Variants in GPATCH2 observed in about 807,000 individuals in gnomAD.
GPATCH2 encodes G-patch domain containing 2.
GPATCH2 carries 51 observed loss-of-function variants against 58.0 expected under a neutral mutation model. The observed-to-expected ratio is 0.88, with a 90% CI of 0.70 to 1.11. The LOEUF (loss-of-function observed/expected upper bound fraction) is 1.11. GPATCH2 is among the 50% of genes most tolerant of loss of function. The pLI, the probability that GPATCH2 is intolerant of heterozygous loss-of-function variation, is 0.00. For synonymous variants in GPATCH2, 222 were observed against 218.5 expected, an observed-to-expected ratio of 1.02 and a Z score of -0.14; for missense variants, 625 against 652.2, an observed-to-expected ratio of 0.96 and a Z score of 0.45.
chr1:217,458,675 A>C (rs1241517120), intron 8 of GPATCH2, among the ~76,000 whole-genome samples: 1 of 151,950 alleles, frequency 6.6e-6, no homozygotes, highest in Non-Finnish European at 1.5e-5. Context: ...ACTTTAAGAA[A>C]TTTTCTGTGT....
chr1:217,467,422 G>T (rs1379102163), intron 8 of GPATCH2, among the ~76,000 whole-genome samples: 1 of 152,036 alleles, frequency 6.6e-6, no homozygotes, highest in East Asian at 1.9e-4. Flanking sequence ...GAAAATGATT[G>T]CATATTCCTA....
intron 5 of GPATCH2, among the ~76,000 whole-genome samples, chr1:217,518,744 C>T (rs917761198): frequency 1.1e-4 from 17 of 152,196 alleles, no homozygotes; most frequent in Admixed American, 7.9e-4. Flanking sequence ...ATCATCCTTT[C>T]TTCTCTCCCT....
chr1:217,557,822 T>G (rs1053582035), intron 5 of GPATCH2, among the ~76,000 whole-genome samples: 1 of 152,208 alleles, frequency 6.6e-6, no homozygotes. Flanking sequence ...CATTAATGTA[T>G]CTTTCATAAG....
At chr1:217,490,392 C>G (rs983808869) in intron 8 of GPATCH2, among the ~76,000 whole-genome samples, 1 of 152,088 alleles carries the variant, frequency 6.6e-6, no homozygotes, top group African/African-American at 2.4e-5. Context: ...GTATCTGTAT[C>G]TATGGATTTA....
At position 217,449,324 on chromosome 1, in the gene GPATCH2, G is replaced by A. The variant is rs1315727753; in HGVS notation, c.1291C>T (p.His431Tyr). 2 of 1,597,822 alleles carry A rather than the reference G, an allele frequency of 1.3e-6. No homozygotes were observed. The highest frequency in any genetic ancestry group is 1.7e-5 in the Admixed American group (1 of 59,984). ...VRTASRQTSM[H>Y]LGSLCTGDIK... ...TCTCCCGTGCATAAGGATCCTAAATGCATGCTTGTTTGCCTACGAATAATT... is the reference window on the plus strand; with the variant it reads ...TCTCCCGTGCATAAGGATCCTAAATACATGCTTGTTTGCCTACGAATAATT... The change falls in exon 9 of 10, where the codon CAT becomes TAT. Residue 431 changes from histidine (H) to tyrosine (Y), a missense_variant. By Grantham distance (83) the His-to-Tyr change is moderately conservative. Transcript: ENST00000366935.
rs577647388 is a variant in GPATCH2 at position 217,596,542 on chromosome 1, G to A, written c.1098+13779C>T. Among the ~76,000 whole-genome samples the A allele has an allele frequency of 7.2e-5, 11 of 151,974 alleles. No individual in the cohort carries two copies. In the South Asian group the frequency reaches 2.3e-3, roughly 32 times the overall value. ...ACATAAAAAGATTAGAATAACACCT[G>A]GCAATTAATAAGAACTCAATAAATG... On this transcript the variant is annotated intron_variant, in intron 5 of 9. Transcript: ENST00000366935.
At chr1:217,475,005 A>T (rs1660907296) in intron 8 of GPATCH2, among the ~76,000 whole-genome samples, 1 of 152,232 alleles carries the variant, frequency 6.6e-6, no homozygotes, top group South Asian at 2.1e-4. Context: ...AGAATTAAAC[A>T]TGAGTAGTCT....
intron 8 of GPATCH2, among the ~76,000 whole-genome samples, chr1:217,466,859 C>T (rs922171090): frequency 1.3e-5 from 2 of 152,036 alleles, no homozygotes; most frequent in Non-Finnish European, 1.5e-5. Flanking sequence ...CTCTTAAAAA[C>T]AGGGAAACAA....
At position 217,514,851 on chromosome 1, in the gene GPATCH2, A is replaced by T; in HGVS notation, c.1137T>A (p.Val379=). ...GGTGATGAGAATCCGGGGAAAAATGAACCATTCTCTTGTTACCCACTGGGC... is the reference window on the plus strand; with the variant it reads ...GGTGATGAGAATCCGGGGAAAAATGTACCATTCTCTTGTTACCCACTGGGC... ...IPGPVGNKRM[V]HFSPDSHHHD... is the part of the protein sequence containing the mutation. Residue 379 remains valine, a synonymous_variant, in exon 6 of 10, where the codon GTT becomes GTA. Coordinates refer to ENST00000366935, the MANE Select transcript of GPATCH2 (RefSeq NM_018040.5). The T allele has an allele frequency of 6.5e-7, 1 of 1,540,604 alleles. No individual in the cohort carries two copies. Among genetic ancestry groups the T allele is most frequent in the Non-Finnish European group, 9.0e-7 (1 of 1,113,070 alleles).
At chr1:217,490,094 T>C (rs1455443102) in intron 8 of GPATCH2, among the ~76,000 whole-genome samples, 6 of 152,298 alleles carry the variant, frequency 3.9e-5, no homozygotes, top group Non-Finnish European at 5.9e-5. Flanking sequence ...ATTCCTCGTT[T>C]TTGAAAATCT....
chr1:217,554,979 T>C (rs761976365), intron 5 of GPATCH2, among the ~76,000 whole-genome samples: 10 of 152,224 alleles, frequency 6.6e-5, no homozygotes, highest in Non-Finnish European at 1.2e-4. Flanking sequence ...GTAGGAACTT[T>C]AAAGATTTCC....
chr1:217,452,162 C>T (rs966388614), intron 8 of GPATCH2, among the ~76,000 whole-genome samples: 6 of 152,158 alleles, frequency 3.9e-5, no homozygotes, highest in African/African-American at 7.2e-5. Context: ...GAGTTGGACA[C>T]GGTTGAGACT....
chr1:217,429,980 A>G lies in GPATCH2; in HGVS notation c.*1165T>C, dbSNP rs1043728945. 1.4e-4 allele frequency: 7 copies of G among 51,444 alleles called. No homozygotes were observed. In the South Asian group the frequency reaches 1.6e-3, roughly 12 times the overall value. 3.2% of individuals were successfully genotyped at this position (51,444 alleles called of 1,614,324 possible). On this transcript the variant is annotated 3_prime_UTR_variant, in exon 10 of 10. Transcript: ENST00000366935. ...TAGAATGATAATAATCATCATCATA[A>G]TAAGTTGTTAATAATGAAGATAATA...
intron 9 of GPATCH2, among the ~76,000 whole-genome samples, chr1:217,438,197 A>G (rs921177071): frequency 5.3e-5 from 8 of 152,158 alleles, no homozygotes; most frequent in African/African-American, 1.9e-4. Context: ...CATCAACAAA[A>G]ATGACGTCTG....
At chr1:217,594,358 A>G (rs1469484369) in intron 5 of GPATCH2, among the ~76,000 whole-genome samples, 1 of 152,186 alleles carries the variant, frequency 6.6e-6, no homozygotes, top group Admixed American at 6.5e-5. Context: ...TTATTATTAA[A>G]TCAAAATAAC....
At chr1:217,471,730 A>G (rs1228247556) in intron 8 of GPATCH2, among the ~76,000 whole-genome samples, 1 of 151,752 alleles carries the variant, frequency 6.6e-6, no homozygotes, top group East Asian at 1.9e-4. Flanking sequence ...TCATTTTAGA[A>G]GACTCCTTGT....
intron 5 of GPATCH2, among the ~76,000 whole-genome samples, chr1:217,595,884 T>A (rs1034166565): frequency 5.0e-4 from 76 of 152,292 alleles, no homozygotes; most frequent in African/African-American, 1.8e-3. Flanking sequence ...TTAGAAAACA[T>A]TAAGTGTTAT....
intron 5 of GPATCH2, among the ~76,000 whole-genome samples, chr1:217,565,661 A>G (rs1666188108): frequency 6.6e-6 from 1 of 152,188 alleles, no homozygotes; most frequent in African/African-American, 2.4e-5. Flanking sequence ...TGTAACTATT[A>G]AGACAATTCA....
chr1:217,622,711 T>C (rs1669255850), intron 1 of GPATCH2, among the ~76,000 whole-genome samples: 1 of 152,166 alleles, frequency 6.6e-6, no homozygotes, highest in Non-Finnish European at 1.5e-5. Context: ...GCCCGGCTAA[T>C]TTTTGTATTT....
Sources: gnomAD v4.1 joint callset for allele counts (sites outside exome capture counted in the v4.1 genomes callset) on GRCh38, gnomAD v4.1.1 for gene constraint, MANE v1.5 for transcripts, NCBI Gene and HGNC (gene_info 2026-07-23, HGNC 2026-07-21) for gene names.